The following VOPP1 variants were observed in gnomAD, a reference collection of about 807,000 sequenced individuals.
The protein encoded by VOPP1 is WW domain binding protein VOPP1.
In VOPP1, 8 loss-of-function variants were observed where a neutral mutation model predicts 23.5. That is an observed-to-expected ratio of 0.34 (90% confidence interval 0.20 to 0.61). The LOEUF is 0.61. VOPP1 is among the 20% of genes least tolerant of loss of function. The pLI is 0.78. For synonymous variants in VOPP1, 83 were observed against 97.3 expected, an observed-to-expected ratio of 0.85 and a Z score of 0.86; for missense variants, 174 against 238.1, an observed-to-expected ratio of 0.73 and a Z score of 1.77.
chr7:55,563,226 C>T (rs7791086), intron 1 of VOPP1, among the ~76,000 whole-genome samples: 28,706 of 152,056 alleles, frequency 0.19, 2,872 homozygotes, highest in African/African-American at 0.23. Flanking sequence ...CAAAACTAGA[C>T]TTTCAAGCAT....
chr7:55,531,350 A>AT (rs11372931), intron 1 of VOPP1, among the ~76,000 whole-genome samples: 123,792 of 141,124 alleles, frequency 0.88, 55,495 homozygotes, highest in East Asian at 0.98. Flanking sequence ...CTAATCCAGA[A>AT]TTTTTTTTTT....
intron 2 of VOPP1, among the ~76,000 whole-genome samples, chr7:55,510,201 G>A (rs978847399): frequency 1.3e-5 from 2 of 152,208 alleles, no homozygotes; most frequent in Non-Finnish European, 2.9e-5. Flanking sequence ...CTACCTGTAA[G>A]TGTGCATCAT....
At chr7:55,554,560 T>C (rs117580637) in intron 1 of VOPP1, among the ~76,000 whole-genome samples, 1,664 of 151,960 alleles carry the variant, frequency 0.011, 11 homozygotes, top group Middle Eastern at 0.02. Context: ...AAACTTTGAG[T>C]AAAAAATTGC....
chr7:55,439,450 A>G (rs1055932820), intron 4 of VOPP1, among the ~76,000 whole-genome samples: 2 of 152,172 alleles, frequency 1.3e-5, no homozygotes, highest in African/African-American at 4.8e-5. Context: ...AAAAGGTAGG[A>G]CAAAGAGAGT....
intron 4 of VOPP1, among the ~76,000 whole-genome samples, chr7:55,439,573 C>T (rs1790914037): frequency 6.6e-6 from 1 of 152,208 alleles, no homozygotes; most frequent in South Asian, 2.1e-4. Flanking sequence ...GGTGATATAA[C>T]ACAGGACGCA....
intron 4 of VOPP1, among the ~76,000 whole-genome samples, chr7:55,444,363 C>CG (rs1334839325): frequency 1.3e-5 from 2 of 152,198 alleles, no homozygotes; most frequent in Non-Finnish European, 2.9e-5. Flanking sequence ...TTTGAGGAGA[C>CG]ACTGCCCAAC....
rs1338050235 is a variant in VOPP1 at position 55,457,902 on chromosome 7, ACT to A, written n.418-21730_418-21729del. 5.9e-5 allele frequency among the ~76,000 whole-genome samples: 9 copies of A among 151,618 alleles called. No individual in the cohort carries two copies. The East Asian group carries it at 9.7e-4, about 16-fold the overall frequency. On this transcript the variant is annotated intron_variant and non_coding_transcript_variant, in intron 4 of 4. Coordinates refer to the VOPP1 transcript ENST00000462326. ...TTCCTGTTCTACAGATTGTCTCTTCACTCTGTTGACTGTTTCCTTTGTTTTGC... is the reference window on the plus strand; with the variant it reads ...TTCCTGTTCTACAGATTGTCTCTTCACTGTTGACTGTTTCCTTTGTTTTGC...
intron 4 of VOPP1, among the ~76,000 whole-genome samples, chr7:55,436,498 G>A (rs1459242486): frequency 2.0e-5 from 3 of 152,294 alleles, no homozygotes; most frequent in East Asian, 1.9e-4. Context: ...TGCCTGCATC[G>A]TGGAGGGAAA....
intron 1 of VOPP1, among the ~76,000 whole-genome samples, chr7:55,545,980 C>T (rs544538718): frequency 6.6e-6 from 1 of 152,142 alleles, no homozygotes; most frequent in African/African-American, 2.4e-5. Context: ...GGTGGGAGGA[C>T]CACCTGAGCC....
chr7:55,464,451 G>A (rs111587479), intron 4 of VOPP1, among the ~76,000 whole-genome samples: 1,826 of 152,274 alleles, frequency 0.012, 12 homozygotes, highest in Admixed American at 0.021. Context: ...GTATCTGCAG[G>A]TGCACAGTGG....
At chr7:55,489,366 C>T (rs545402413) in intron 4 of VOPP1, among the ~76,000 whole-genome samples, 15 of 152,332 alleles carry the variant, frequency 9.8e-5, no homozygotes, top group African/African-American at 3.4e-4. Flanking sequence ...GACCAGCAGC[C>T]ACTCGCTGTA....
intron 1 of VOPP1, among the ~76,000 whole-genome samples, chr7:55,563,015 C>T (rs1176525947): frequency 6.6e-6 from 1 of 152,122 alleles, no homozygotes; most frequent in Non-Finnish European, 1.5e-5. Flanking sequence ...TATCCTCGTC[C>T]ATCTCACTCA....
At chr7:55,500,804 G>A (rs954465424) in intron 2 of VOPP1, among the ~76,000 whole-genome samples, 1 of 152,206 alleles carries the variant, frequency 6.6e-6, no homozygotes, top group Non-Finnish European at 1.5e-5. Context: ...TAGAGATGTT[G>A]CACCTCCAGC....
At chr7:55,540,414 T>TAAAC (rs1797074101) in intron 1 of VOPP1, among the ~76,000 whole-genome samples, 1 of 142,700 alleles carries the variant, frequency 7.0e-6, no homozygotes, top group Non-Finnish European at 1.6e-5. Context: ...AATAAATAAA[T>TAAAC]AAATAAATAA....
chr7:55,468,504 G>A (rs1297882544), downstream of VOPP1, among the ~76,000 whole-genome samples: 1 of 152,166 alleles, frequency 6.6e-6, no homozygotes, highest in African/African-American at 2.4e-5. Flanking sequence ...GCAACGGTCT[G>A]GAAACTCATG....
intron 1 of VOPP1, chr7:55,552,593 T>C: frequency 1.3e-6 from 2 of 1,535,732 alleles, no homozygotes. Context: ...AAGTGATTGA[T>C]GCCTCAAAAG....
At chr7:55,514,910 T>C (rs1308858616) in intron 2 of VOPP1, among the ~76,000 whole-genome samples, 1 of 152,216 alleles carries the variant, frequency 6.6e-6, no homozygotes, top group East Asian at 1.9e-4. Flanking sequence ...GCTGTCCTTG[T>C]AGTGAGCTGG....
At chr7:55,490,860 A>G (rs1244528381) in intron 4 of VOPP1, among the ~76,000 whole-genome samples, 1 of 152,224 alleles carries the variant, frequency 6.6e-6, no homozygotes, top group East Asian at 1.9e-4. Context: ...TCTGAGCAAC[A>G]TTTTTTAAAA....
chr7:55,509,471 C>G (rs1307425910), intron 2 of VOPP1, among the ~76,000 whole-genome samples: 1 of 152,154 alleles, frequency 6.6e-6, no homozygotes, highest in Non-Finnish European at 1.5e-5. Flanking sequence ...ATCCCATTCA[C>G]GAGGACAGAG....
Sources: gnomAD v4.1 joint callset for allele counts (sites outside exome capture counted in the v4.1 genomes callset) on GRCh38, gnomAD v4.1.1 for gene constraint, MANE v1.5 for transcripts, NCBI Gene and HGNC (gene_info 2026-07-23, HGNC 2026-07-21) for gene names.